The following GPC6 variants were observed in gnomAD, a reference collection of about 807,000 sequenced individuals.
GPC6 encodes the protein glypican-6.
In GPC6, 14 loss-of-function variants were observed where a neutral mutation model predicts 55.2. That is an observed-to-expected ratio of 0.25 (90% confidence interval 0.17 to 0.40). The LOEUF is 0.40. GPC6 is among the 10% of genes least tolerant of loss of function. The probability of loss-of-function intolerance (pLI) is 1.00; values close to 1 mark genes in which losing one functional copy is unlikely to be tolerated. For missense variants in GPC6, 641 were observed against 708.5 expected (o/e 0.90, Z 1.08); for synonymous variants, 278 against 259.6 (o/e 1.07, Z -0.68).
chr13:94,173,117 C>T (rs1306523207), intron 4 of GPC6, among the ~76,000 whole-genome samples: 1 of 152,174 alleles, frequency 6.6e-6, no homozygotes, highest in Non-Finnish European at 1.5e-5. Context: ...CAGTCCACAA[C>T]TGGAAGACTT....
chr13:93,970,972 A>G (rs906243229), intron 3 of GPC6, among the ~76,000 whole-genome samples: 7 of 152,210 alleles, frequency 4.6e-5, no homozygotes, highest in Non-Finnish European at 1.0e-4. Flanking sequence ...AATGTTATCC[A>G]GAATAAGTCG....
chr13:94,104,934 A>C (rs1352990435), intron 4 of GPC6, among the ~76,000 whole-genome samples: 1 of 152,170 alleles, frequency 6.6e-6, no homozygotes, highest in Admixed American at 6.5e-5. Context: ...TCAAGCTATC[A>C]ATGACTTTCT....
At chr13:93,332,150 A>T (rs2139137975) in intron 1 of GPC6, among the ~76,000 whole-genome samples, 1 of 152,252 alleles carries the variant, frequency 6.6e-6, no homozygotes, top group Admixed American at 6.5e-5. Context: ...CGTAGTGAAT[A>T]GTGCAACAAT....
At chr13:93,725,800 G>A (rs188951124) in intron 2 of GPC6, among the ~76,000 whole-genome samples, 2 of 152,016 alleles carry the variant, frequency 1.3e-5, no homozygotes, top group East Asian at 3.9e-4. Context: ...AAAATAAAAA[G>A]AAGAAAATCA....
chr13:94,199,484 T>G (rs1011336704), intron 4 of GPC6, among the ~76,000 whole-genome samples: 1 of 152,112 alleles, frequency 6.6e-6, no homozygotes, highest in Admixed American at 6.6e-5. Flanking sequence ...CATCTGTAAA[T>G]TTGGAACAAT....
At chr13:93,253,270 G>A (rs1288360404) in intron 1 of GPC6, among the ~76,000 whole-genome samples, 2 of 152,148 alleles carry the variant, frequency 1.3e-5, no homozygotes, top group Admixed American at 1.3e-4. Context: ...CAATCAAATT[G>A]TACTGCCTTT....
At chr13:94,144,373 C>T (rs1047535692) in intron 4 of GPC6, among the ~76,000 whole-genome samples, 2 of 150,886 alleles carry the variant, frequency 1.3e-5, no homozygotes, top group Admixed American at 6.6e-5. Context: ...TACAACCTGG[C>T]CTCTACTCTT....
At chr13:94,382,130 G>A (rs762889665) in intron 6 of GPC6, among the ~76,000 whole-genome samples, 10 of 152,166 alleles carry the variant, frequency 6.6e-5, no homozygotes, top group South Asian at 2.1e-4. Context: ...GAAGCCAGGC[G>A]TGATGCTTCG....
chr13:93,904,280 A>G (rs945940264), intron 3 of GPC6, among the ~76,000 whole-genome samples: 1 of 152,166 alleles, frequency 6.6e-6, no homozygotes, highest in African/African-American at 2.4e-5. Flanking sequence ...TGTAGACAAA[A>G]ACAAGCCTTA....
chr13:93,929,016 C>A (rs1270791745), intron 3 of GPC6, among the ~76,000 whole-genome samples: 1 of 152,158 alleles, frequency 6.6e-6, no homozygotes, highest in Non-Finnish European at 1.5e-5. Flanking sequence ...GCCAGCAAAG[C>A]TTTCACAAGG....
chr13:94,149,825 A>G (rs1436978703), intron 4 of GPC6, among the ~76,000 whole-genome samples: 1 of 151,972 alleles, frequency 6.6e-6, no homozygotes, highest in South Asian at 2.1e-4. Flanking sequence ...TAGTTTGACC[A>G]TGGCACTTCA....
chr13:93,421,679 C>T (rs1456217987), intron 1 of GPC6, among the ~76,000 whole-genome samples: 1 of 151,816 alleles, frequency 6.6e-6, no homozygotes, highest in Non-Finnish European at 1.5e-5. Context: ...GTTTGCACCA[C>T]TTAACATCCT....
rs1345960802 is a variant in GPC6 at position 93,704,934 on chromosome 13, T to TA, written c.320-125220_320-125219insA. Among the ~76,000 whole-genome samples the TA allele has an allele frequency of 2.0e-5, 3 of 152,018 alleles. No individual in the cohort carries two copies. In the East Asian group the frequency reaches 5.8e-4, roughly 30 times the overall value. On this transcript the variant is annotated intron_variant, in intron 2 of 8. Coordinates refer to ENST00000377047, the MANE Select transcript of GPC6 (RefSeq NM_005708.5). ...GTGACACCAGGGCAGTCTGCTTGGA[T>TA]CTTGTGTCCTACCATGTCATGTCCA...
chr13:94,124,888 C>A (rs1886753298), intron 4 of GPC6, among the ~76,000 whole-genome samples: 1 of 152,054 alleles, frequency 6.6e-6, no homozygotes, highest in East Asian at 1.9e-4. Flanking sequence ...CAAGAAGGAA[C>A]CCTAGAGGTG....
At chr13:93,404,849 A>C (rs531759067) in intron 1 of GPC6, among the ~76,000 whole-genome samples, 4 of 152,156 alleles carry the variant, frequency 2.6e-5, no homozygotes, top group Non-Finnish European at 5.9e-5. Flanking sequence ...CAGTTATGAC[A>C]GTCTGGTTTT....
intron 2 of GPC6, among the ~76,000 whole-genome samples, chr13:93,570,352 C>T (rs1876341583): frequency 6.6e-6 from 1 of 152,002 alleles, no homozygotes; most frequent in South Asian, 2.1e-4. Flanking sequence ...TTATCAGTAC[C>T]CACTAGTGAA....
chr13:93,903,723 G>A (rs1167038138), intron 3 of GPC6, among the ~76,000 whole-genome samples: 1 of 152,088 alleles, frequency 6.6e-6, no homozygotes, highest in Non-Finnish European at 1.5e-5. Context: ...TTAGGACAGA[G>A]GTTGGGACCT....
intron 1 of GPC6, among the ~76,000 whole-genome samples, chr13:93,534,283 C>G (rs1173754564): frequency 6.6e-6 from 1 of 152,114 alleles, no homozygotes; most frequent in Admixed American, 6.5e-5. Context: ...TTTCTATCTA[C>G]TTCCTAGGAA....
intron 4 of GPC6, among the ~76,000 whole-genome samples, chr13:94,097,506 C>CA (rs869307863): frequency 0.063 from 4,400 of 69,796 alleles, 341 homozygotes; most frequent in African/African-American, 0.18. Flanking sequence ...GACTCTGTCT[C>CA]AAAAAAAAAA....
Sources: gnomAD v4.1 joint callset for allele counts (sites outside exome capture counted in the v4.1 genomes callset) on GRCh38, gnomAD v4.1.1 for gene constraint, MANE v1.5 for transcripts, NCBI Gene and HGNC (gene_info 2026-07-23, HGNC 2026-07-21) for gene names.